KCND3: variants seen among roughly 807,000 people sequenced by gnomAD.
KCND3 encodes A-type voltage-gated potassium channel KCND3.
A neutral mutation model predicts 51.1 loss-of-function variants in KCND3; 9 were observed. The ratio of observed to expected loss-of-function variants is 0.18; its 90% CI spans 0.11 to 0.31. The LOEUF is 0.31. Among genes scored for constraint, KCND3 ranks in the 10% least tolerant of loss-of-function variants. The pLI, the probability that KCND3 is intolerant of heterozygous loss-of-function variation, is 1.00. For missense variants in KCND3, 526 were observed against 903.8 expected, an observed-to-expected ratio of 0.58 and a Z score of 5.36; for synonymous variants, 349 against 368.0, an observed-to-expected ratio of 0.95 and a Z score of 0.59.
chr1:111,935,179 T>C (rs191920530), intron 2 of KCND3, among the ~76,000 whole-genome samples: 1 of 152,372 alleles, frequency 6.6e-6, no homozygotes, highest in East Asian at 1.9e-4. Flanking sequence ...ATATCATTCA[T>C]AGAGTCACTG....
intron 2 of KCND3, among the ~76,000 whole-genome samples, chr1:111,893,877 T>A (rs923410044): frequency 2.0e-5 from 3 of 152,120 alleles, no homozygotes; most frequent in Non-Finnish European, 2.9e-5. Flanking sequence ...CTGGACACAG[T>A]AGGTTTGAGT....
At chr1:111,804,884 A>G (rs1323804291) in intron 2 of KCND3, among the ~76,000 whole-genome samples, 7 of 152,194 alleles carry the variant, frequency 4.6e-5, no homozygotes, top group Admixed American at 4.6e-4. Context: ...TAGGCCCTTG[A>G]CTGCTGCCCT....
chr1:111,921,058 TA>T, intron 2 of KCND3, among the ~76,000 whole-genome samples: 1 of 151,830 alleles, frequency 6.6e-6, no homozygotes, highest in African/African-American at 2.4e-5. Flanking sequence ...CTGGAAAGAG[TA>T]AGGAAAACTA....
chr1:111,904,510 G>A (rs1031201223), intron 2 of KCND3, among the ~76,000 whole-genome samples: 7 of 152,134 alleles, frequency 4.6e-5, no homozygotes, highest in South Asian at 2.1e-4. Flanking sequence ...ACAGCCCCAC[G>A]TGAGTGTGCC....
chr1:111,932,150 C>T (rs1380525239), intron 2 of KCND3, among the ~76,000 whole-genome samples: 1 of 152,232 alleles, frequency 6.6e-6, no homozygotes, highest in Non-Finnish European at 1.5e-5. Flanking sequence ...TGTGATTACA[C>T]TGGGCCCACC....
At chr1:111,815,781 G>A (rs540448666) in intron 2 of KCND3, among the ~76,000 whole-genome samples, 10 of 151,846 alleles carry the variant, frequency 6.6e-5, no homozygotes, top group East Asian at 1.9e-4. Flanking sequence ...ATCTAGTTGT[G>A]GTTTTCTTTG....
intron 2 of KCND3, among the ~76,000 whole-genome samples, chr1:111,940,765 C>T (rs1672476690): frequency 6.6e-6 from 1 of 152,180 alleles, no homozygotes; most frequent in Non-Finnish European, 1.5e-5. Flanking sequence ...TGCCAACGGT[C>T]CACTGCACCC....
Position 111,776,103 on chromosome 1 carries a change from T to A in KCND3, c.1942A>T (p.Asn648Tyr). 1 of 1,614,164 alleles carries A rather than the reference T, an allele frequency of 6.2e-7. No individual in the cohort carries two copies. The highest frequency in any genetic ancestry group is 8.5e-7 in the Non-Finnish European group (1 of 1,180,036). Residue 648 changes from asparagine to tyrosine, a missense_variant, in exon 8 of 8, where the codon AAT becomes TAT. Asn to Tyr is a moderately radical substitution (Grantham distance 143, BLOSUM62 -2). Coordinates refer to ENST00000302127, the MANE Select transcript of KCND3 (RefSeq NM_001378969.1). ...PNTNIPSIAS[N>Y]VVKVSAL ...TACAAGGCGGAGACCTTGACAACAT[T>A]GCTGGCTATGGAAGGAATGTTCGTG...
chr1:111,828,503 C>T (rs780962135), intron 2 of KCND3, among the ~76,000 whole-genome samples: 3 of 100,050 alleles, frequency 3.0e-5, no homozygotes, highest in Non-Finnish European at 5.3e-5. Context: ...CCACAAACAA[C>T]AGGTGTTATC....
intron 2 of KCND3, among the ~76,000 whole-genome samples, chr1:111,849,148 G>C (rs528513560): frequency 2.6e-5 from 4 of 152,320 alleles, no homozygotes; most frequent in African/African-American, 9.6e-5. Context: ...GACTGGTGGT[G>C]TATTGATTGG....
At chr1:111,966,915 C>T (rs1401276114) in intron 2 of KCND3, among the ~76,000 whole-genome samples, 2 of 151,848 alleles carry the variant, frequency 1.3e-5, no homozygotes, top group East Asian at 3.9e-4. Context: ...CCAAGGTGGG[C>T]GGAACACCTG....
intron 2 of KCND3, among the ~76,000 whole-genome samples, chr1:111,791,037 G>A (rs1031768547): frequency 6.6e-6 from 1 of 152,208 alleles, no homozygotes; most frequent in Non-Finnish European, 1.5e-5. Flanking sequence ...GAACATTTGT[G>A]TACAAGTTTT....
chr1:111,819,410 G>A lies in KCND3; in HGVS notation c.1107-32304C>T, dbSNP rs531007182. ...AAAAAAAAATTCCCCAAACCCAACC[G>A]GGAAAGAAAGCTCATTAATGTCTCT... On this transcript the variant is annotated intron_variant, in intron 2 of 7. Transcript: ENST00000302127. Among the ~76,000 whole-genome samples, 400 of 151,748 alleles carry A rather than the reference G, an allele frequency of 2.6e-3. 4 individuals are homozygous for A. The highest frequency in any genetic ancestry group is 9.2e-3 in the African/African-American group (383 of 41,406).
intron 2 of KCND3, among the ~76,000 whole-genome samples, chr1:111,818,003 T>C (rs1666172476): frequency 6.6e-6 from 1 of 151,704 alleles, no homozygotes; most frequent in Admixed American, 6.6e-5. Context: ...GTTAGCCTAA[T>C]ACCAGGTGTG....
rs1571615965 is a variant in KCND3, at chr1:111,771,555, C to G, written c.*4522G>C. On this transcript the variant is annotated 3_prime_UTR_variant, in exon 8 of 8. Transcript: ENST00000302127. Reference sequence around the variant, plus strand: ...GTAACCTCGAAATCTAGTGTTAGCTCAATTTTCAACCACTTCCTCTGCAAA... The same window carrying G: ...GTAACCTCGAAATCTAGTGTTAGCTGAATTTTCAACCACTTCCTCTGCAAA... The G allele has an allele frequency of 1.3e-5, 2 of 152,146 alleles. No homozygotes were observed. Among genetic ancestry groups the G allele is most frequent in the Admixed American group, 1.3e-4 (2 of 15,280 alleles). The allele number at this position is 152,146 out of a possible 1,614,324, so 9.4% of individuals were successfully genotyped here. A position where few individuals can be genotyped will look rare whatever the true frequency, so the allele number is the denominator to read the frequency against.
Position 111,780,318 on chromosome 1 carries a change from G to T in KCND3, c.1372-4C>A, listed in dbSNP as rs747160429. On this transcript the variant is annotated splice_polypyrimidine_tract_variant and splice_region_variant and intron_variant, in intron 4 of 7. Coordinates refer to ENST00000302127, the MANE Select transcript of KCND3 (RefSeq NM_001378969.1). This position sits in a 1 kb window ranked among gnomAD's most constrained non-coding sequence, Gnocchi z 4.2. Reference sequence around the variant, plus strand: ...TGTGCTCCTCTTCTGGGGTGCCCTAGTAAAAAAAGAAGAGAGATTGAGTAA... The same window carrying T: ...TGTGCTCCTCTTCTGGGGTGCCCTATTAAAAAAAGAAGAGAGATTGAGTAA... 8 of 1,560,180 alleles carry T rather than the reference G, an allele frequency of 5.1e-6. No individual in the cohort carries two copies. In the South Asian group the frequency reaches 9.5e-5, roughly 18 times the overall value.
rs1557766760 is a variant in KCND3, at chr1:111,981,520, C to T, written c.1106+101G>A. 1 of 1,541,186 alleles carries T rather than the reference C, an allele frequency of 6.5e-7. No individual in the cohort carries two copies. The highest frequency in any genetic ancestry group is 9.0e-7 in the Non-Finnish European group (1 of 1,116,102). ...CTGCCCCCAACACTTGGGTAAGGGA[C>T]TCCCTCCTCCTCTACCCATGGTGAC... On this transcript the variant is annotated intron_variant, in intron 2 of 7. Coordinates refer to ENST00000302127, the MANE Select transcript of KCND3 (RefSeq NM_001378969.1). The surrounding 1 kb of genome is among the most constrained non-coding windows in gnomAD (Gnocchi z 6.2).
At chr1:111,890,652 G>A (rs1165243846) in intron 2 of KCND3, among the ~76,000 whole-genome samples, 2 of 152,112 alleles carry the variant, frequency 1.3e-5, no homozygotes, top group Admixed American at 6.6e-5. Flanking sequence ...AGATGGCCAG[G>A]GAGTGAGTGT....
intron 2 of KCND3, among the ~76,000 whole-genome samples, chr1:111,961,617 G>A (rs953586794): frequency 2.0e-5 from 3 of 152,118 alleles, no homozygotes; most frequent in Non-Finnish European, 4.4e-5. Context: ...TCCCTGTGCC[G>A]AAGGTGTGCA....
Sources: allele counts gnomAD v4.1 joint callset (sites outside exome capture counted in the v4.1 genomes callset), GRCh38; gene constraint gnomAD v4.1.1; non-coding constraint Gnocchi (gnomAD v3.1); transcripts MANE v1.5; gene names NCBI Gene and HGNC (gene_info 2026-07-23, HGNC 2026-07-21).